Variants in RPS6KA5 observed in about 807,000 individuals in gnomAD.
RPS6KA5 encodes the protein ribosomal protein S6 kinase alpha-5.
In RPS6KA5, 27 loss-of-function variants were observed where a neutral mutation model predicts 85.5. The ratio of observed to expected loss-of-function variants is 0.32; its 90% CI spans 0.23 to 0.44. The LOEUF is 0.44. RPS6KA5 is among the 20% of genes least tolerant of loss of function. The probability of loss-of-function intolerance (pLI) is 1.00; values close to 1 mark genes in which losing one functional copy is unlikely to be tolerated. For synonymous variants in RPS6KA5, 334 were observed against 348.2 expected (o/e 0.96, Z 0.46); for missense variants, 811 against 980.9 (o/e 0.83, Z 2.31).
At chr14:91,055,445 T>C (rs111410457) in intron 1 of RPS6KA5, among the ~76,000 whole-genome samples, 206 of 152,232 alleles carry the variant, frequency 1.4e-3, no homozygotes, top group Non-Finnish European at 2.1e-3. Flanking sequence ...ACACAATTTA[T>C]CAACAACAAC....
intron 2 of RPS6KA5, among the ~76,000 whole-genome samples, chr14:90,997,693 C>A (rs969007647): frequency 1.3e-5 from 2 of 152,052 alleles, no homozygotes; most frequent in African/African-American, 4.8e-5. Context: ...TATATCTGTA[C>A]AATGAAACAG....
chr14:90,983,891 C>T (rs1188759056), intron 2 of RPS6KA5, among the ~76,000 whole-genome samples: 1 of 150,780 alleles, frequency 6.6e-6, no homozygotes, highest in Non-Finnish European at 1.5e-5. Context: ...GTCGCCCAGA[C>T]CGGAGTGCAG....
At chr14:90,921,538 A>G (rs943895676) in intron 6 of RPS6KA5, among the ~76,000 whole-genome samples, 4 of 152,238 alleles carry the variant, frequency 2.6e-5, no homozygotes, top group Admixed American at 1.3e-4. Context: ...CAACAGCTTC[A>G]AAGAATATCA....
At chr14:91,031,205 G>A (rs1297331626) in intron 1 of RPS6KA5, among the ~76,000 whole-genome samples, 1 of 152,118 alleles carries the variant, frequency 6.6e-6, no homozygotes, top group African/African-American at 2.4e-5. Context: ...GAAGCTAGAA[G>A]ACAATGGGAT....
Position 90,849,356 on chromosome 14 carries a change from G to A in RPS6KA5, c.*22718C>T, listed in dbSNP as rs1374485455. The stretch of plus-strand genomic sequence containing the variant: ...AGACAAAAGTTTTTTAAGAGGGCAC[G>A]GACTCCGGATCTTTTATCTTATGAA... On this transcript the variant is annotated 3_prime_UTR_variant, in exon 17 of 17. Coordinates refer to ENST00000614987, the MANE Select transcript of RPS6KA5 (RefSeq NM_004755.4). 3.3e-5 allele frequency: 5 copies of A among 152,182 alleles called. No homozygotes were observed. Among genetic ancestry groups the A allele is most frequent in the African/African-American group, 9.7e-5 (4 of 41,434 alleles). 9.4% of individuals were successfully genotyped at this position (152,182 alleles called of 1,614,324 possible). A position where few individuals can be genotyped will look rare whatever the true frequency, so the allele number is the denominator to read the frequency against.
rs773680228 is a variant in RPS6KA5, at chr14:90,902,952, A to G, written c.975T>C (p.Asp325=). 2.4e-5 allele frequency: 38 copies of G among 1,611,898 alleles called. No homozygotes were observed. Among genetic ancestry groups the G allele is most frequent in the Non-Finnish European group, 2.0e-5 (23 of 1,178,948 alleles). ...GTGCAGGCACTTTTTTGGCGGCTAA[A>G]TCATCCCAATTTATTTTCTAAAACA... The part of the protein sequence containing the change: ...HLFFQKINWD[D]LAAKKVPAPF... The change falls in exon 9 of 17, where the codon GAT becomes GAC. Residue 325 remains aspartate, a synonymous_variant. Transcript: ENST00000614987.
intron 1 of RPS6KA5, among the ~76,000 whole-genome samples, chr14:91,048,549 T>G (rs2042955702): frequency 6.6e-6 from 1 of 152,170 alleles, no homozygotes; most frequent in Admixed American, 6.5e-5. Context: ...ACTCACAACT[T>G]TAGGAGTATA....
intron 1 of RPS6KA5, among the ~76,000 whole-genome samples, chr14:91,004,053 C>T (rs1431544476): frequency 1.3e-5 from 2 of 152,062 alleles, no homozygotes; most frequent in Non-Finnish European, 2.9e-5. Flanking sequence ...TCATGTATTC[C>T]TTTATTTTGT....
At chr14:90,980,792 A>G (rs1386488025) in intron 2 of RPS6KA5, among the ~76,000 whole-genome samples, 1 of 152,246 alleles carries the variant, frequency 6.6e-6, no homozygotes, top group Non-Finnish European at 1.5e-5. Context: ...GTGTTTTAAC[A>G]GTGAATGGAC....
chr14:90,940,932 C>G (rs975207141), intron 5 of RPS6KA5, among the ~76,000 whole-genome samples: 1 of 152,156 alleles, frequency 6.6e-6, no homozygotes, highest in African/African-American at 2.4e-5. Flanking sequence ...CAAAACCATA[C>G]CCCGACCCTC....
At chr14:91,044,867 C>CAAA (rs748430714) in intron 1 of RPS6KA5, among the ~76,000 whole-genome samples, 4 of 70,458 alleles carry the variant, frequency 5.7e-5, no homozygotes, top group South Asian at 4.4e-4. Flanking sequence ...CGAGACGTGT[C>CAAA]AAAAAAAAAA....
At chr14:90,889,056 G>A (rs1269498013) in intron 14 of RPS6KA5, among the ~76,000 whole-genome samples, 1 of 152,172 alleles carries the variant, frequency 6.6e-6, no homozygotes, top group Non-Finnish European at 1.5e-5. Flanking sequence ...CACTTTGGGA[G>A]GCCAAGGCAG....
rs1281138331 is a variant in RPS6KA5 at position 90,983,783 on chromosome 14, TTCTTTCTC to T, written c.176-5267_176-5260del. ...CACTTTCTTTCTTTCCTTTCTTTCTTTCTTTCTCTCTCTCTCTCTCTCTCTCTCTCTCT... is the reference window on the plus strand; with the variant it reads ...CACTTTCTTTCTTTCCTTTCTTTCTTTCTCTCTCTCTCTCTCTCTCTCTCT... On this transcript the variant is annotated intron_variant, in intron 2 of 16. Transcript: ENST00000614987. Among the ~76,000 whole-genome samples, 930 of 131,878 alleles carry T rather than the reference TTCTTTCTC, an allele frequency of 7.1e-3. 5 individuals are homozygous for T. Among genetic ancestry groups the T allele is most frequent in the African/African-American group, 0.023 (785 of 34,766 alleles). The allele number at this position is 131,878 out of a possible 152,430, so 86.5% of individuals were successfully genotyped here. A position where few individuals can be genotyped will look rare whatever the true frequency, so the allele number is the denominator to read the frequency against.
chr14:90,914,309 G>GTTTTTTT (rs10658805), intron 7 of RPS6KA5, among the ~76,000 whole-genome samples: 38 of 81,512 alleles, frequency 4.7e-4, no homozygotes, highest in East Asian at 1.3e-3. Context: ...GATCCCTAGG[G>GTTTTTTT]TTTTTTTTTT....
At chr14:90,943,273 T>TTA in intron 4 of RPS6KA5, 88 bp from the exon 5 acceptor site, 2 of 747,712 alleles carry the variant, frequency 2.7e-6, no homozygotes, top group East Asian at 2.8e-5. Context: ...ATTTATTTAT[T>TTA]TTTTTTTTTA....
intron 1 of RPS6KA5, among the ~76,000 whole-genome samples, chr14:91,033,012 C>T (rs570792586): frequency 4.6e-5 from 7 of 151,614 alleles, no homozygotes; most frequent in South Asian, 2.1e-4. Context: ...GGTGAAACTC[C>T]GTCTCTACTA....
chr14:91,045,257 A>G (rs1441100344), intron 1 of RPS6KA5, among the ~76,000 whole-genome samples: 5 of 145,684 alleles, frequency 3.4e-5, no homozygotes, highest in Non-Finnish European at 6.0e-5. Context: ...AGTTCTGCTG[A>G]TTCTTTTTTT....
At chr14:91,038,378 C>G (rs544225887) in intron 1 of RPS6KA5, among the ~76,000 whole-genome samples, 6 of 152,274 alleles carry the variant, frequency 3.9e-5, no homozygotes, top group South Asian at 4.2e-4. Context: ...AAGACTGCTT[C>G]CACATCTGGA....
rs188667492 is a variant in RPS6KA5, at chr14:90,860,664, T to G, written c.*11410A>C. 5.9e-5 allele frequency: 9 copies of G among 152,184 alleles called. No homozygotes were observed. The East Asian group carries it at 1.7e-3, about 29-fold the overall frequency. 9.4% of individuals were successfully genotyped at this position (152,184 alleles called of 1,614,324 possible). ...TGGGTATATTACATGATACATGAATTTTATCTTAAAAAAATAAAAATACAG... is the reference window on the plus strand; with the variant it reads ...TGGGTATATTACATGATACATGAATGTTATCTTAAAAAAATAAAAATACAG... On this transcript the variant is annotated 3_prime_UTR_variant, in exon 17 of 17. Coordinates refer to ENST00000614987, the MANE Select transcript of RPS6KA5 (RefSeq NM_004755.4).
Sources: gnomAD v4.1 joint callset for allele counts (sites outside exome capture counted in the v4.1 genomes callset) on GRCh38, gnomAD v4.1.1 for gene constraint, MANE v1.5 for transcripts, NCBI Gene and HGNC (gene_info 2026-07-23, HGNC 2026-07-21) for gene names.